The following MTM1 variants were observed in gnomAD, a reference collection of about 807,000 sequenced individuals.
MTM1 encodes the protein myotubularin 1, also known as myotubularin.
In MTM1, 9 loss-of-function variants were observed where a neutral mutation model predicts 52.1. That is an observed-to-expected ratio of 0.17 (90% CI 0.10 to 0.30). MTM1 has a LOEUF of 0.30. MTM1 is among the 10% of genes least tolerant of loss of function. The pLI is 1.00. For synonymous variants in MTM1, 136 were observed against 163.8 expected, an observed-to-expected ratio of 0.83 and a Z score of 1.29; for missense variants, 277 against 470.7, an observed-to-expected ratio of 0.59 and a Z score of 3.81.
intron 1 of MTM1, among the ~76,000 whole-genome samples, chrX:150,583,250 A>T (rs2038634109): frequency 1.5e-5 from 1 of 66,644 alleles, no homozygotes; most frequent in Non-Finnish European, 2.5e-5. Flanking sequence ...TTATAAATTT[A>T]TATAATTTAT....
At chrX:150,633,859 C>G (rs907963058) in intron 6 of MTM1, among the ~76,000 whole-genome samples, 2 of 111,747 alleles carry the variant, frequency 1.8e-5, no homozygotes, top group Admixed American at 1.9e-4. Flanking sequence ...TGGTGAAACC[C>G]TGTGTCTACT....
chrX:150,660,753 A>G (rs1458589093), intron 13 of MTM1, among the ~76,000 whole-genome samples: 1 of 111,715 alleles, frequency 9.0e-6, no homozygotes, highest in Non-Finnish European at 1.9e-5. Flanking sequence ...TGAGAGCCTC[A>G]GGCTGCTTCC....
chrX:150,620,958 A>T (rs1305853531), intron 6 of MTM1, among the ~76,000 whole-genome samples: 2 of 109,177 alleles, frequency 1.8e-5, no homozygotes, highest in Admixed American at 2.0e-4. Context: ...CCTACTAAAA[A>T]TATAAAAATA....
At chrX:150,630,046 G>GT (rs1569565470) in intron 6 of MTM1, among the ~76,000 whole-genome samples, 1 of 111,932 alleles carries the variant, frequency 8.9e-6, no homozygotes, top group African/African-American at 3.3e-5. Flanking sequence ...ATATGGTAAC[G>GT]TAACACAGGT....
chrX:150,616,670 G>A (rs2039391812), intron 5 of MTM1, among the ~76,000 whole-genome samples: 1 of 111,087 alleles, frequency 9.0e-6, no homozygotes, highest in African/African-American at 3.3e-5. Context: ...GTGCCTGTGT[G>A]GAGTCTTTCA....
At position 150,671,194 on chromosome X, in the gene MTM1, G is replaced by C. The variant is rs1336792308; in HGVS notation, c.1645-234G>C. Among the ~76,000 whole-genome samples the C allele has an allele frequency of 8.9e-5, 10 of 111,786 alleles. No individual in the cohort carries two copies. The East Asian group carries it at 2.8e-3, about 31-fold the overall frequency. Reference sequence around the variant, plus strand: ...AAGATAGTGACACGTGTGAGGAAATGTGTACATTAGGTATTTCTTGGTGAA... The same window carrying C: ...AAGATAGTGACACGTGTGAGGAAATCTGTACATTAGGTATTTCTTGGTGAA... On this transcript the variant is annotated intron_variant, in intron 14 of 14. Coordinates refer to ENST00000370396, the MANE Select transcript of MTM1 (RefSeq NM_000252.3).
chrX:150,655,802 C>T (rs1236714649), intron 10 of MTM1, among the ~76,000 whole-genome samples: 2 of 111,880 alleles, frequency 1.8e-5, no homozygotes, highest in African/African-American at 6.5e-5. Context: ...TGTTCTACAA[C>T]TACATTATGG....
At chrX:150,619,200 C>G in intron 6 of MTM1, 61 bp downstream of exon 6, 1 of 806,047 alleles carries the variant, frequency 1.2e-6, no homozygotes, top group Non-Finnish European at 1.9e-6. Context: ...GTGAAAACTG[C>G]CTGCAAACTG....
intron 4 of MTM1, among the ~76,000 whole-genome samples, chrX:150,609,418 G>A (rs1557412918): frequency 9.0e-6 from 1 of 111,273 alleles, no homozygotes; most frequent in Non-Finnish European, 1.9e-5. Context: ...GTGACTTCTA[G>A]GTTTCTAGCT....
At chrX:150,598,984 CAT>C (rs1298329895) in intron 4 of MTM1, among the ~76,000 whole-genome samples, 1 of 111,982 alleles carries the variant, frequency 8.9e-6, no homozygotes, top group African/African-American at 3.3e-5. Flanking sequence ...GCCAGAAGCA[CAT>C]ATGAAACCCA....
At chrX:150,652,909 G>A (rs2040052923) in intron 10 of MTM1, among the ~76,000 whole-genome samples, 1 of 110,074 alleles carries the variant, frequency 9.1e-6, no homozygotes, top group Non-Finnish European at 1.9e-5. Context: ...GAGACTGGGT[G>A]AGAGTAGGTC....
chrX:150,620,291 TC>T (rs1182521132), intron 6 of MTM1, among the ~76,000 whole-genome samples: 1 of 112,170 alleles, frequency 8.9e-6, no homozygotes, highest in Non-Finnish European at 1.9e-5. Flanking sequence ...TCATCAGACA[TC>T]CCCTTTCTCT....
chrX:150,570,762 G>C (rs782300541), intron 1 of MTM1, among the ~76,000 whole-genome samples: 1 of 111,590 alleles, frequency 9.0e-6, no homozygotes, highest in Non-Finnish European at 1.9e-5. Flanking sequence ...TCCTTGTGTG[G>C]TTTGTAAAGA....
At chrX:150,639,251 T>C (rs73250564) in intron 7 of MTM1, among the ~76,000 whole-genome samples, 2 of 112,532 alleles carry the variant, frequency 1.8e-5, no homozygotes, top group Non-Finnish European at 3.8e-5. Flanking sequence ...GAAGACTGGG[T>C]CACTAAATCC....
At chrX:150,567,523 T>C (rs2038278535), upstream of MTM1, among the ~76,000 whole-genome samples, 1 of 111,603 alleles carries the variant, frequency 9.0e-6, no homozygotes, top group Non-Finnish European at 1.9e-5. Flanking sequence ...AAGAATATTA[T>C]GCTCATTTTT....
At chrX:150,638,794 T>TTTG (rs782280124) in intron 6 of MTM1, 149 bp from the exon 7 acceptor site, 2 of 452,976 alleles carry the variant, frequency 4.4e-6, no homozygotes, top group East Asian at 3.8e-5. Context: ...ACTGTTTTTT[T>TTTG]TTGTTGTTGT....
intron 8 of MTM1, 97 bp downstream of exon 8, chrX:150,641,515 T>C: frequency 9.8e-7 from 1 of 1,017,782 alleles, no homozygotes; most frequent in Non-Finnish European, 1.4e-6. Flanking sequence ...TGGAATTCTA[T>C]CCCAAAAAAT....
At chrX:150,631,022 T>C (rs782597067) in intron 6 of MTM1, among the ~76,000 whole-genome samples, 1 of 112,389 alleles carries the variant, frequency 8.9e-6, no homozygotes, top group African/African-American at 3.2e-5. Flanking sequence ...GGGAAGTTCA[T>C]TGGAGACTTT....
intron 4 of MTM1, among the ~76,000 whole-genome samples, chrX:150,599,999 A>G (rs1187604497): frequency 8.9e-6 from 1 of 112,224 alleles, no homozygotes; most frequent in African/African-American, 3.2e-5. Flanking sequence ...TTATTGACAC[A>G]TTGTCTTGAT....
Sources: allele counts gnomAD v4.1 joint callset (sites outside exome capture counted in the v4.1 genomes callset), GRCh38; gene constraint gnomAD v4.1.1; transcripts MANE v1.5; gene names NCBI Gene and HGNC (gene_info 2026-07-23, HGNC 2026-07-21).